The following ATP2B2 variants were observed in gnomAD, a reference collection of about 807,000 sequenced individuals.
The protein encoded by ATP2B2 is plasma membrane calcium-transporting ATPase 2.
In ATP2B2, 15 loss-of-function variants were observed where a neutral mutation model predicts 120.0. The ratio of observed to expected loss-of-function variants is 0.12; its 90% CI spans 0.08 to 0.19. The LOEUF (loss-of-function observed/expected upper bound fraction) is 0.19, where lower values mean the gene tolerates loss of function less well. Ranked by LOEUF, ATP2B2 falls within the 10% of genes least tolerant of loss-of-function variation. The pLI is 1.00. For synonymous variants in ATP2B2, 694 were observed against 700.3 expected (o/e 0.99, Z 0.14); for missense variants, 1,045 against 1,719.8 (o/e 0.61, Z 6.94).
chr3:10,351,405 A>G (rs1166538435), intron 14 of ATP2B2, among the ~76,000 whole-genome samples: 1 of 152,268 alleles, frequency 6.6e-6, no homozygotes, highest in Non-Finnish European at 1.5e-5. Flanking sequence ...TTTGCTGCAG[A>G]ACGTCTTTCA....
chr3:10,563,635 G>A (rs1166767044), intron 2 of ATP2B2, among the ~76,000 whole-genome samples: 3 of 152,224 alleles, frequency 2.0e-5, no homozygotes, highest in Admixed American at 6.5e-5. Context: ...CTACAGACAG[G>A]GCAAGACTGG....
intron 14 of ATP2B2, among the ~76,000 whole-genome samples, chr3:10,352,269 C>T (rs1205284986): frequency 6.6e-6 from 1 of 152,230 alleles, no homozygotes; most frequent in African/African-American, 2.4e-5. Context: ...CCTGTGTACC[C>T]TGTGCAGAGG....
At chr3:10,423,291 C>T (rs1311324060) in intron 2 of ATP2B2, among the ~76,000 whole-genome samples, 2 of 152,198 alleles carry the variant, frequency 1.3e-5, no homozygotes, top group African/African-American at 2.4e-5. Context: ...ATCCGGTGGC[C>T]AGCCTCTCTT....
At chr3:10,673,620 C>A (rs1046349218) in intron 1 of ATP2B2, among the ~76,000 whole-genome samples, 1 of 151,358 alleles carries the variant, frequency 6.6e-6, no homozygotes, top group Admixed American at 6.6e-5. Context: ...GGCAACATAG[C>A]AAGACCTCGT....
chr3:10,462,368 T>A (rs939508509), intron 1 of ATP2B2, among the ~76,000 whole-genome samples: 8 of 152,270 alleles, frequency 5.3e-5, no homozygotes, highest in African/African-American at 1.9e-4. Context: ...GCATAAAGGC[T>A]CAGCCTAACT....
intron 1 of ATP2B2, among the ~76,000 whole-genome samples, chr3:10,451,812 C>T (rs1034639853): frequency 1.3e-5 from 2 of 152,272 alleles, no homozygotes; most frequent in African/African-American, 4.8e-5. Context: ...GTTTTGACCC[C>T]AACAATGTAT....
intron 3 of ATP2B2, among the ~76,000 whole-genome samples, chr3:10,514,661 G>A (rs758665224): frequency 1.9e-4 from 29 of 152,314 alleles, no homozygotes; most frequent in Non-Finnish European, 2.9e-4. Context: ...CTCCAGGGCC[G>A]CCTGTTAGCC....
intron 1 of ATP2B2, among the ~76,000 whole-genome samples, chr3:10,488,472 TTCC>T (rs2065805356): frequency 1.2e-5 from 1 of 83,120 alleles, no homozygotes; most frequent in South Asian, 5.0e-4. Flanking sequence ...AATTCCTTCC[TTCC>T]TTCCTTCCTT....
At chr3:10,505,606 T>TGG (rs950839939), upstream of ATP2B2, 1 of 49,098 alleles carries the variant, frequency 2.0e-5, no homozygotes, top group Non-Finnish European at 4.3e-5. Context: ...CCCGAGCGGG[T>TGG]GGGGGGCGGG....
At chr3:10,386,397 T>C in intron 7 of ATP2B2, 83 bp downstream of exon 7, 1 of 1,476,824 alleles carries the variant, frequency 6.8e-7, no homozygotes. Context: ...AGCTGTGTGC[T>C]GGTGGTCTAG....
At chr3:10,586,064 T>A (rs1196725912) in intron 2 of ATP2B2, among the ~76,000 whole-genome samples, 1 of 152,228 alleles carries the variant, frequency 6.6e-6, no homozygotes, top group Non-Finnish European at 1.5e-5. Context: ...TATAGTGCTG[T>A]CCCCTTAGTG....
chr3:10,697,496 A>G (rs977658455), intron 1 of ATP2B2, among the ~76,000 whole-genome samples: 18 of 152,188 alleles, frequency 1.2e-4, no homozygotes, highest in Non-Finnish European at 2.5e-4. Context: ...GGCCCTCCAG[A>G]AAGAGTCCCC....
At chr3:10,577,051 C>CAA (rs71055823) in intron 2 of ATP2B2, among the ~76,000 whole-genome samples, 2,036 of 109,274 alleles carry the variant, frequency 0.019, 52 homozygotes, top group African/African-American at 0.068. Flanking sequence ...GACTCTGTGT[C>CAA]AAAAAAAAAA....
At chr3:10,698,122 T>C (rs531816094) in intron 1 of ATP2B2, among the ~76,000 whole-genome samples, 3 of 152,222 alleles carry the variant, frequency 2.0e-5, no homozygotes, top group Non-Finnish European at 4.4e-5. Context: ...ATTTAATCCC[T>C]GCTGGGCTCA....
intron 1 of ATP2B2, among the ~76,000 whole-genome samples, chr3:10,485,970 G>A (rs1331234512): frequency 6.6e-6 from 1 of 152,188 alleles, no homozygotes; most frequent in Non-Finnish European, 1.5e-5. Context: ...CTCAGCCAGC[G>A]CCATTGCGAC....
At chr3:10,590,358 G>A (rs1406749863) in intron 2 of ATP2B2, among the ~76,000 whole-genome samples, 1 of 152,206 alleles carries the variant, frequency 6.6e-6, no homozygotes, top group Non-Finnish European at 1.5e-5. Flanking sequence ...TTATACAACT[G>A]TATGCATTTG....
At chr3:10,451,493 A>G (rs1387981449) in intron 1 of ATP2B2, among the ~76,000 whole-genome samples, 3 of 152,146 alleles carry the variant, frequency 2.0e-5, no homozygotes, top group African/African-American at 7.2e-5. Context: ...CTGTATTCAA[A>G]TCCAGTGTGT....
At chr3:10,700,357 A>G (rs1161215187) in intron 1 of ATP2B2, among the ~76,000 whole-genome samples, 1 of 152,140 alleles carries the variant, frequency 6.6e-6, no homozygotes, top group Non-Finnish European at 1.5e-5. Context: ...GCCACTCAAC[A>G]AATAACATGA....
At chr3:10,681,733 T>C (rs994154649) in intron 1 of ATP2B2, among the ~76,000 whole-genome samples, 3 of 152,208 alleles carry the variant, frequency 2.0e-5, no homozygotes, top group South Asian at 4.1e-4. Flanking sequence ...TAGGCCCATT[T>C]AACAGAGGGG....
Sources: gnomAD v4.1 joint callset for allele counts (sites outside exome capture counted in the v4.1 genomes callset) on GRCh38, gnomAD v4.1.1 for gene constraint, MANE v1.5 for transcripts, NCBI Gene and HGNC (gene_info 2026-07-23, HGNC 2026-07-21) for gene names.